Variants in CCDC141 observed in about 807,000 individuals in gnomAD.
CCDC141 encodes coiled-coil domain-containing protein 141.
CCDC141 carries 168 observed loss-of-function variants against 181.0 expected under a neutral mutation model. The ratio of observed to expected loss-of-function variants is 0.93; its 90% CI spans 0.82 to 1.05. The LOEUF (loss-of-function observed/expected upper bound fraction) is 1.05. Among genes scored for constraint, CCDC141 ranks in the 50% least tolerant of loss-of-function variants. The probability of loss-of-function intolerance (pLI) is 0.00; values close to 1 mark genes in which losing one functional copy is unlikely to be tolerated. For synonymous variants in CCDC141, 666 were observed against 642.3 expected, an observed-to-expected ratio of 1.04 and a Z score of -0.56; for missense variants, 1,902 against 1,788.5, an observed-to-expected ratio of 1.06 and a Z score of -1.14.
chr2:178,952,308 T>A (rs1178182847), intron 5 of CCDC141, among the ~76,000 whole-genome samples: 1 of 152,240 alleles, frequency 6.6e-6, no homozygotes, highest in African/African-American at 2.4e-5. Context: ...AGTGACATGG[T>A]GAACATTTGA....
At chr2:179,019,891 C>G (rs1337657928) in intron 2 of CCDC141, among the ~76,000 whole-genome samples, 2 of 152,014 alleles carry the variant, frequency 1.3e-5, no homozygotes, top group African/African-American at 2.4e-5. Flanking sequence ...CTTAGCCTCC[C>G]AAGTAGCTGG....
At chr2:178,817,519 G>T in the CCDC141 span, 14 of 470,860 alleles carry the variant, frequency 3.0e-5, no homozygotes, top group Admixed American at 1.2e-4. Flanking sequence ...AAAACCACAT[G>T]ACCTACTTCA....
chr2:179,015,231 CAT>C lies in CCDC141; in HGVS notation c.225+32051_225+32052del, dbSNP rs376915970. Among the ~76,000 whole-genome samples the C allele has an allele frequency of 3.3e-3, 346 of 104,370 alleles. 5 individuals carry two copies. The highest frequency in any genetic ancestry group is 0.014 in the East Asian group (51 of 3,604). 68.5% of individuals were successfully genotyped at this position (104,370 alleles called of 152,430 possible). A position where few individuals can be genotyped will look rare whatever the true frequency, so the allele number is the denominator to read the frequency against. The stretch of plus-strand genomic sequence containing the variant: ...TATATCATATATCTCATATATACCT[CAT>C]ATATATATCTCATATATATCTCATA... On this transcript the variant is annotated intron_variant, in intron 2 of 23. Coordinates refer to ENST00000443758, the MANE Select transcript of CCDC141 (RefSeq NM_173648.4).
chr2:179,026,088 A>G (rs759328965), intron 2 of CCDC141, among the ~76,000 whole-genome samples: 1 of 152,238 alleles, frequency 6.6e-6, no homozygotes, highest in Non-Finnish European at 1.5e-5. Context: ...TGTGATAGAA[A>G]ATAAAATCCC....
chr2:178,986,898 T>G (rs1306717627), intron 2 of CCDC141, among the ~76,000 whole-genome samples: 1 of 151,898 alleles, frequency 6.6e-6, no homozygotes, highest in African/African-American at 2.4e-5. Flanking sequence ...CTGCCCAAGG[T>G]AATTTATAGA....
intron 12 of CCDC141, chr2:178,874,195 G>T (rs188705006): frequency 6.6e-6 from 1 of 152,118 alleles, no homozygotes; most frequent in Admixed American, 6.6e-5. Flanking sequence ...AAAAAAAATC[G>T]TTTTACTTAC....
intron 8 of CCDC141, among the ~76,000 whole-genome samples, chr2:178,890,610 T>G (rs1240068076): frequency 8.5e-5 from 13 of 152,238 alleles, no homozygotes; most frequent in Non-Finnish European, 5.9e-5. Flanking sequence ...TCAGACCCAC[T>G]CTCTGACTCT....
At chr2:178,889,524 C>T (rs1192415319) in intron 8 of CCDC141, among the ~76,000 whole-genome samples, 1 of 152,008 alleles carries the variant, frequency 6.6e-6, no homozygotes, top group Non-Finnish European at 1.5e-5. Context: ...ATTTAATTAC[C>T]CAGAGTTTAA....
chr2:178,861,767 C>A (rs1303012244), intron 17 of CCDC141, among the ~76,000 whole-genome samples: 5 of 152,118 alleles, frequency 3.3e-5, no homozygotes, highest in Non-Finnish European at 7.4e-5. Flanking sequence ...CAGGTGTGAG[C>A]CACTGCTATT....
the CCDC141 span, among the ~76,000 whole-genome samples, chr2:178,815,413 C>T: frequency 1.4e-4 from 21 of 152,124 alleles, no homozygotes; most frequent in African/African-American, 4.8e-4. Context: ...TTAATGTGTA[C>T]TCTTCCATTT....
At chr2:178,871,269 G>T (rs1477171023) in intron 14 of CCDC141, among the ~76,000 whole-genome samples, 158 bp downstream of exon 14, 1 of 152,106 alleles carries the variant, frequency 6.6e-6, no homozygotes, top group African/African-American at 2.4e-5. Flanking sequence ...CAGGAAAAAA[G>T]TAAGAAAAAT....
intron 6 of CCDC141, among the ~76,000 whole-genome samples, chr2:178,921,017 G>A (rs994901169): frequency 2.0e-5 from 3 of 152,078 alleles, no homozygotes; most frequent in Non-Finnish European, 4.4e-5. Flanking sequence ...TCAAGGTTAC[G>A]TATCCAGTAA....
In CCDC141 at chr2:178,926,330, T is replaced by G. The variant is rs559296226; in HGVS notation, c.898-7423A>C. Among the ~76,000 whole-genome samples, 8 of 152,346 alleles carry G rather than the reference T, an allele frequency of 5.3e-5. No individual in the cohort carries two copies. The East Asian group carries it at 1.5e-3, about 29-fold the overall frequency. On this transcript the variant is annotated intron_variant, in intron 6 of 23. Coordinates refer to ENST00000443758, the MANE Select transcript of CCDC141 (RefSeq NM_173648.4). ...ATTATACCAAAAATTGGAAGATAGATTCTATAAAAATAGTAGTTTAAACCT... is the reference window on the plus strand; with the variant it reads ...ATTATACCAAAAATTGGAAGATAGAGTCTATAAAAATAGTAGTTTAAACCT...
At chr2:178,966,688 G>T (rs1478019349) in intron 4 of CCDC141, among the ~76,000 whole-genome samples, 1 of 152,084 alleles carries the variant, frequency 6.6e-6, no homozygotes, top group African/African-American at 2.4e-5. Context: ...CCCGAATGCT[G>T]CTTCTCCTCC....
chr2:179,014,340 C>A (rs984823187), intron 2 of CCDC141, among the ~76,000 whole-genome samples: 15 of 152,066 alleles, frequency 9.9e-5, no homozygotes, highest in Non-Finnish European at 1.8e-4. Flanking sequence ...ACTGGAAAAA[C>A]CCTTCTAGAC....
chr2:178,933,559 C>A (rs1221893688), intron 6 of CCDC141, among the ~76,000 whole-genome samples: 2 of 152,160 alleles, frequency 1.3e-5, no homozygotes, highest in East Asian at 1.9e-4. Context: ...AGATTAATAA[C>A]CTCCATCTCG....
intron 5 of CCDC141, among the ~76,000 whole-genome samples, chr2:178,948,811 C>A (rs1045269815): frequency 6.6e-6 from 1 of 152,218 alleles, no homozygotes; most frequent in Non-Finnish European, 1.5e-5. Flanking sequence ...AGCTCCCCTT[C>A]ACCTTCCGCC....
intron 6 of CCDC141, among the ~76,000 whole-genome samples, chr2:178,937,255 G>A (rs1483351699): frequency 1.3e-5 from 2 of 151,984 alleles, no homozygotes; most frequent in Admixed American, 6.6e-5. Context: ...ATTATTTGGA[G>A]GTATGTTCCT....
chr2:179,010,573 T>C (rs2042237628), intron 2 of CCDC141, among the ~76,000 whole-genome samples: 1 of 152,134 alleles, frequency 6.6e-6, no homozygotes, highest in Non-Finnish European at 1.5e-5. Flanking sequence ...GAAGGAAAGA[T>C]ACAGTCTTTT....
Sources: allele counts gnomAD v4.1 joint callset (sites outside exome capture counted in the v4.1 genomes callset), GRCh38; gene constraint gnomAD v4.1.1; transcripts MANE v1.5; gene names NCBI Gene and HGNC (gene_info 2026-07-23, HGNC 2026-07-21).